Variants in SNRPF observed in about 807,000 individuals in gnomAD.
SNRPF encodes the protein small nuclear ribonucleoprotein F.
SNRPF carries 1 observed loss-of-function variant against 13.4 expected under a neutral mutation model. The observed-to-expected ratio is 0.07, with a 90% confidence interval of 0.03 to 0.35. The LOEUF (loss-of-function observed/expected upper bound fraction) is 0.35, where lower values mean the gene tolerates loss of function less well. Among genes scored for constraint, SNRPF ranks in the 10% least tolerant of loss-of-function variants. The probability of loss-of-function intolerance (pLI) is 0.99; values close to 1 mark genes in which losing one functional copy is unlikely to be tolerated. For missense variants in SNRPF, 53 were observed against 101.0 expected (o/e 0.52, Z 2.04); for synonymous variants, 27 against 32.1 (o/e 0.84, Z 0.54).
At chr12:95,862,701 A>AT (rs552944773) in intron 2 of SNRPF, among the ~76,000 whole-genome samples, 15 of 148,862 alleles carry the variant, frequency 1.0e-4, no homozygotes, top group South Asian at 2.1e-4. Flanking sequence ...TGACAGAGAA[A>AT]TTTTTTTTTT....
At position 95,858,987 on chromosome 12, in the gene SNRPF, G is replaced by C; in HGVS notation, c.-87G>C. The C allele has an allele frequency of 3.1e-6, 5 of 1,588,270 alleles. No individual in the cohort carries two copies. The South Asian group carries it at 3.4e-5, about 11-fold the overall frequency. ...GCCATTTCTCTTGAAACTGCGGCTC[G>C]GGACCTGCGGTACCTGCTGTAGTCA... On this transcript the variant is annotated 5_prime_UTR_variant, in exon 1 of 4. Coordinates refer to ENST00000266735, the MANE Select transcript of SNRPF (RefSeq NM_003095.5).
At chr12:95,865,084 C>T (rs1454484457) in intron 2 of SNRPF, 1 of 314,460 alleles carries the variant, frequency 3.2e-6, no homozygotes, top group African/African-American at 2.1e-5. Flanking sequence ...ATTACATAAC[C>T]TGGGAGATTC....
At chr12:95,859,435 T>C (rs2079483233) in intron 1 of SNRPF, among the ~76,000 whole-genome samples, 1 of 152,298 alleles carries the variant, frequency 6.6e-6, no homozygotes, top group Admixed American at 6.5e-5. Flanking sequence ...TGCTCTAGAT[T>C]AACTCACTTG....
chr12:95,863,509 A>G (rs528394522), intron 2 of SNRPF, among the ~76,000 whole-genome samples: 238 of 152,366 alleles, frequency 1.6e-3, no homozygotes, highest in Non-Finnish European at 2.5e-3. Flanking sequence ...GTAGTCAACC[A>G]TATTGATACC....
At chr12:95,865,844 CTA>C (rs1459529215) in intron 3 of SNRPF, among the ~76,000 whole-genome samples, 159 bp from the exon 4 acceptor site, 3 of 151,748 alleles carry the variant, frequency 2.0e-5, no homozygotes, top group African/African-American at 7.3e-5. Context: ...TTCAACAAAT[CTA>C]TGTGAAACTT....
intron 3 of SNRPF, among the ~76,000 whole-genome samples, chr12:95,865,804 C>T: frequency 6.6e-6 from 1 of 151,946 alleles, no homozygotes; most frequent in East Asian, 1.9e-4. Flanking sequence ...TTATAACAAC[C>T]ATATGGTGGA....
At chr12:95,865,418 G>A (rs542702455) in intron 3 of SNRPF, 30 bp downstream of exon 3, 142 of 1,078,774 alleles carry the variant, frequency 1.3e-4, no homozygotes, top group Non-Finnish European at 1.9e-4. Flanking sequence ...TATGTAAGGA[G>A]TTACTGGTGA....
intron 1 of SNRPF, among the ~76,000 whole-genome samples, chr12:95,859,901 T>TA (rs1404124968): frequency 1.3e-5 from 2 of 152,190 alleles, no homozygotes; most frequent in African/African-American, 4.8e-5. Context: ...ATGTGCACTT[T>TA]AAAAAATCAT....
intron 1 of SNRPF, among the ~76,000 whole-genome samples, chr12:95,860,455 T>C (rs1423571861): frequency 6.6e-6 from 1 of 152,258 alleles, no homozygotes; most frequent in African/African-American, 2.4e-5. Context: ...TTTGGTACCC[T>C]TGTGCCTAGT....
intron 1 of SNRPF, 57 bp downstream of exon 1, chr12:95,859,133 C>A: frequency 6.9e-7 from 1 of 1,440,282 alleles, no homozygotes; most frequent in Non-Finnish European, 9.7e-7. Context: ...GGGAGACCAG[C>A]CTCGCGGGGC....
intron 1 of SNRPF, 59 bp from the exon 2 acceptor site, chr12:95,861,109 A>G: frequency 1.3e-6 from 2 of 1,516,500 alleles, no homozygotes; most frequent in Non-Finnish European, 1.8e-6. Flanking sequence ...ATTCGGTAGA[A>G]GAGAGTTGGT....
At chr12:95,863,757 A>G (rs1385794804) in intron 2 of SNRPF, among the ~76,000 whole-genome samples, 2 of 152,240 alleles carry the variant, frequency 1.3e-5, no homozygotes. Flanking sequence ...ATTCTGGAAG[A>G]TACCAGAATT....
intron 2 of SNRPF, 112 bp downstream of exon 2, chr12:95,861,405 C>G: frequency 2.0e-6 from 2 of 1,014,068 alleles, no homozygotes; most frequent in Non-Finnish European, 2.8e-6. Context: ...GACAAATATA[C>G]GGCAAAATTC....
intron 1 of SNRPF, 47 bp from the exon 2 acceptor site, chr12:95,861,121 G>A: frequency 6.4e-7 from 1 of 1,561,534 alleles, no homozygotes; most frequent in Non-Finnish European, 8.7e-7. Context: ...AGAGTTGGTG[G>A]TGGGAGGAAA....
intron 2 of SNRPF, among the ~76,000 whole-genome samples, chr12:95,862,791 G>A (rs1344377995): frequency 2.0e-5 from 3 of 152,038 alleles, no homozygotes; most frequent in African/African-American, 7.3e-5. Flanking sequence ...AACGGTTCCA[G>A]TTTCTCCACA....
chr12:95,864,333 C>G (rs776291050), intron 2 of SNRPF, among the ~76,000 whole-genome samples: 1 of 152,082 alleles, frequency 6.6e-6, no homozygotes, highest in African/African-American at 2.4e-5. Context: ...TCTCTGAGTC[C>G]CAAGTGGCAT....
Position 95,859,027 on chromosome 12 carries a change from C to G in SNRPF, c.-47C>G, listed in dbSNP as rs768325555. 7 of 1,609,474 alleles carry G rather than the reference C, an allele frequency of 4.3e-6. No individual in the cohort carries two copies. In the South Asian group the frequency reaches 5.6e-5, roughly 13 times the overall value. ...TGCTGTAGTCACGAGGGACGGGCGG[C>G]GGCCTGGTCGGCAGAGAGTAGCCTG... On this transcript the variant is annotated 5_prime_UTR_variant, in exon 1 of 4. Coordinates refer to ENST00000266735, the MANE Select transcript of SNRPF (RefSeq NM_003095.5).
At chr12:95,864,222 T>G (rs535331197) in intron 2 of SNRPF, among the ~76,000 whole-genome samples, 32 of 152,302 alleles carry the variant, frequency 2.1e-4, no homozygotes, top group Non-Finnish European at 4.4e-4. Flanking sequence ...TTATGAAACA[T>G]CCTATTTTAA....
At chr12:95,864,488 A>G (rs1312099292) in intron 2 of SNRPF, among the ~76,000 whole-genome samples, 1 of 152,278 alleles carries the variant, frequency 6.6e-6, no homozygotes, top group Admixed American at 6.5e-5. Context: ...GATTCATAAT[A>G]ATACCATAAG....
Sources: gnomAD v4.1 joint callset for allele counts (sites outside exome capture counted in the v4.1 genomes callset) on GRCh38, gnomAD v4.1.1 for gene constraint, MANE v1.5 for transcripts, NCBI Gene and HGNC (gene_info 2026-07-23, HGNC 2026-07-21) for gene names.